TENM2: variants seen among roughly 807,000 people sequenced by gnomAD.
TENM2 encodes the protein teneurin-2.
TENM2 carries 52 observed loss-of-function variants against 245.2 expected under a neutral mutation model. The observed-to-expected ratio is 0.21, with a 90% CI of 0.17 to 0.27. The LOEUF (loss-of-function observed/expected upper bound fraction) is 0.27. Among genes scored for constraint, TENM2 ranks in the 10% least tolerant of loss-of-function variants. TENM2 has a pLI of 1.00. For synonymous variants in TENM2, 1,363 were observed against 1,438.9 expected (o/e 0.95, Z 1.19); for missense variants, 3,046 against 3,666.8 (o/e 0.83, Z 4.37).
the TENM2 span, among the ~76,000 whole-genome samples, chr5:167,168,041 A>G: frequency 1.3e-5 from 2 of 152,194 alleles, no homozygotes; most frequent in African/African-American, 4.8e-5. Flanking sequence ...ACCAGACTGA[A>G]ACAGTCTTAA....
chr5:167,535,773 A>G (rs915595620), intron 2 of TENM2, among the ~76,000 whole-genome samples: 2 of 152,244 alleles, frequency 1.3e-5, no homozygotes, highest in African/African-American at 4.8e-5. Context: ...ACTATGAGAA[A>G]TAAGTTTCTA....
intron 2 of TENM2, among the ~76,000 whole-genome samples, chr5:167,503,553 A>G (rs1294666942): frequency 6.6e-6 from 1 of 151,440 alleles, no homozygotes; most frequent in Non-Finnish European, 1.5e-5. Flanking sequence ...AAATAACTTT[A>G]AAAACTCTAT....
At chr5:167,214,600 C>T in the TENM2 span, among the ~76,000 whole-genome samples, 42 of 152,218 alleles carry the variant, frequency 2.8e-4, no homozygotes, top group African/African-American at 9.6e-4. Context: ...CTATCTATCT[C>T]GGTTCTTCTA....
intron 2 of TENM2, among the ~76,000 whole-genome samples, chr5:167,515,175 A>G (rs919342530): frequency 3.3e-5 from 5 of 152,154 alleles, no homozygotes; most frequent in Non-Finnish European, 7.3e-5. Flanking sequence ...AGATAATGTC[A>G]TTGGCAAATT....
At chr5:167,708,322 A>G (rs1409784831) in intron 2 of TENM2, among the ~76,000 whole-genome samples, 1 of 152,196 alleles carries the variant, frequency 6.6e-6, no homozygotes, top group African/African-American at 2.4e-5. Context: ...TATCAAAATC[A>G]TATATGCACT....
At chr5:167,589,075 A>AC (rs1008206473) in intron 2 of TENM2, among the ~76,000 whole-genome samples, 11 of 152,058 alleles carry the variant, frequency 7.2e-5, no homozygotes, top group African/African-American at 2.7e-4. Flanking sequence ...ATTGGCACAC[A>AC]CCTATAATCC....
intron 2 of TENM2, among the ~76,000 whole-genome samples, chr5:167,674,530 A>G (rs1756180807): frequency 2.6e-5 from 4 of 152,134 alleles, no homozygotes; most frequent in Non-Finnish European, 4.4e-5. Flanking sequence ...AATTGCAGTA[A>G]AGGAAAATAA....
At chr5:167,624,452 A>G (rs1038577389) in intron 2 of TENM2, among the ~76,000 whole-genome samples, 12 of 152,134 alleles carry the variant, frequency 7.9e-5, no homozygotes, top group Non-Finnish European at 1.8e-4. Context: ...AAAACTACCT[A>G]TTGGATATTA....
At chr5:167,806,911 TAC>T (rs1228708502) in intron 2 of TENM2, among the ~76,000 whole-genome samples, 2 of 151,800 alleles carry the variant, frequency 1.3e-5, no homozygotes, top group Non-Finnish European at 2.9e-5. Context: ...TGTGTGACAG[TAC>T]ACACAGAGCA....
At chr5:167,621,440 G>T (rs991120512) in intron 2 of TENM2, among the ~76,000 whole-genome samples, 1 of 152,082 alleles carries the variant, frequency 6.6e-6, no homozygotes, top group Non-Finnish European at 1.5e-5. Context: ...TGAGAAGACC[G>T]TGGAGAGGGA....
At chr5:168,235,663 C>G (rs1006950130) in intron 25 of TENM2, among the ~76,000 whole-genome samples, 1 of 152,062 alleles carries the variant, frequency 6.6e-6, no homozygotes, top group African/African-American at 2.4e-5. Flanking sequence ...AAAAATTAGC[C>G]AGGTGTGGTG....
chr5:167,271,176 G>A, the TENM2 span, among the ~76,000 whole-genome samples: 4 of 152,230 alleles, frequency 2.6e-5, no homozygotes, highest in South Asian at 8.3e-4. Context: ...TTTCTCTGCT[G>A]CCTCTCCGAA....
the TENM2 span, among the ~76,000 whole-genome samples, chr5:167,077,848 C>T: frequency 6.6e-6 from 1 of 152,072 alleles, no homozygotes; most frequent in South Asian, 2.1e-4. Flanking sequence ...TTGAATGGCT[C>T]ACTTTACTAG....
intron 28 of TENM2, among the ~76,000 whole-genome samples, chr5:168,260,834 T>C (rs1248141069): frequency 1.3e-5 from 2 of 152,122 alleles, no homozygotes; most frequent in Non-Finnish European, 2.9e-5. Context: ...ACCTCGGCGC[T>C]TTATGGCCAA....
intron 2 of TENM2, among the ~76,000 whole-genome samples, chr5:167,672,949 A>G (rs937342624): frequency 6.6e-6 from 1 of 151,786 alleles, no homozygotes; most frequent in Non-Finnish European, 1.5e-5. Flanking sequence ...CGAACTCTTA[A>G]TAGCTCATAA....
intron 2 of TENM2, among the ~76,000 whole-genome samples, chr5:167,579,867 C>G (rs1182860018): frequency 6.6e-6 from 1 of 152,128 alleles, no homozygotes; most frequent in South Asian, 2.1e-4. Context: ...TGCTGTAAAG[C>G]TTTGTAAAAC....
chr5:167,698,679 GTTTTTTT>G (rs1225922111), intron 2 of TENM2, among the ~76,000 whole-genome samples: 5 of 97,758 alleles, frequency 5.1e-5, no homozygotes, highest in South Asian at 3.3e-4. Context: ...TTTGTTTTTT[GTTTTTTT>G]TTTTTTTTTT....
intron 12 of TENM2, among the ~76,000 whole-genome samples, chr5:168,143,363 C>G (rs1455372944): frequency 6.6e-6 from 1 of 150,958 alleles, no homozygotes; most frequent in Non-Finnish European, 1.5e-5. Flanking sequence ...TATGCTATAT[C>G]TATTCTGTTT....
At chr5:167,806,899 AGT>A (rs929486989) in intron 2 of TENM2, among the ~76,000 whole-genome samples, 1 of 151,890 alleles carries the variant, frequency 6.6e-6, no homozygotes, top group African/African-American at 2.4e-5. Context: ...TCTGAGTAAC[AGT>A]GTGTGACAGT....
Sources: gnomAD v4.1 joint callset for allele counts (sites outside exome capture counted in the v4.1 genomes callset) on GRCh38, gnomAD v4.1.1 for gene constraint, MANE v1.5 for transcripts, NCBI Gene and HGNC (gene_info 2026-07-23, HGNC 2026-07-21) for gene names.